Variants in SLAIN1 observed in about 807,000 individuals in gnomAD.
SLAIN1 encodes SLAIN family member 1.
Under a neutral mutation model 55.4 loss-of-function variants are expected in SLAIN1, and 17 were observed. The observed-to-expected ratio is 0.31, with a 90% CI of 0.21 to 0.46. The LOEUF (loss-of-function observed/expected upper bound fraction) is 0.46, where lower values mean the gene tolerates loss of function less well. SLAIN1 is among the 20% of genes least tolerant of loss of function. The pLI, the probability that SLAIN1 is intolerant of heterozygous loss-of-function variation, is 1.00. For synonymous variants in SLAIN1, 348 were observed against 337.4 expected, an observed-to-expected ratio of 1.03 and a Z score of -0.35; for missense variants, 682 against 785.1, an observed-to-expected ratio of 0.87 and a Z score of 1.57.
chr13:77,711,344 G>T (rs1010844035), intron 1 of SLAIN1, among the ~76,000 whole-genome samples: 4 of 151,990 alleles, frequency 2.6e-5, no homozygotes, highest in Admixed American at 1.3e-4. Context: ...TATTAAAGAA[G>T]AAAAGAGAGA....
intron 2 of SLAIN1, among the ~76,000 whole-genome samples, chr13:77,729,388 T>C (rs2091336351): frequency 6.6e-6 from 1 of 152,182 alleles, no homozygotes; most frequent in South Asian, 2.1e-4. Flanking sequence ...TGCTATTTTG[T>C]TACCTATCTC....
Position 77,698,583 on chromosome 13 carries a change from G to T in SLAIN1, c.626+44G>T. ...CCTTCCCCGAGACCCTGGCCTCGGG[G>T]GCTTCGGGCACCGGGGAGCGGGGGC... is the stretch of plus-strand genomic sequence containing the variant. On this transcript the variant is annotated intron_variant, in intron 1 of 6. Coordinates refer to ENST00000418532, the MANE Select transcript of SLAIN1 (RefSeq NM_001242868.2). The surrounding 1 kb of genome is among the most constrained non-coding windows in gnomAD (Gnocchi z 4.1). 1 of 1,363,462 alleles carries T rather than the reference G, an allele frequency of 7.3e-7. No homozygotes were observed. 84.5% of individuals were successfully genotyped at this position (1,363,462 alleles called of 1,614,324 possible). A position where few individuals can be genotyped will look rare whatever the true frequency, so the allele number is the denominator to read the frequency against.
Position 77,760,850 on chromosome 13 carries a change from A to G in SLAIN1, c.1437A>G (p.Gln479=). ...TAGTTCCATCACCGGGACAGCTTCAACACAGGGTCCACAGCGTGGGGCATT... is the reference window on the plus strand; with the variant it reads ...TAGTTCCATCACCGGGACAGCTTCAGCACAGGGTCCACAGCGTGGGGCATT... ...QSCIPSPGQL[Q]HRVHSVGHFP... is the part of the protein sequence containing the mutation. Residue 479 remains glutamine (Q), a synonymous_variant, in exon 6 of 7, where the codon CAA becomes CAG. Coordinates refer to ENST00000418532, the MANE Select transcript of SLAIN1 (RefSeq NM_001242868.2). 3 of 1,613,900 alleles carry G rather than the reference A, an allele frequency of 1.9e-6. No homozygotes were observed. The highest frequency in any genetic ancestry group is 2.5e-6 in the Non-Finnish European group (3 of 1,179,982).
rs1312919547 is a variant in SLAIN1 at position 77,761,002 on chromosome 13, A to G, written c.1589A>G (p.Asn530Ser). ...TCCAACACAGGAATCCCCACACCGA[A>G]CAAAGCTGCAGCTTCTGGGATAATG... is the stretch of plus-strand genomic sequence containing the variant. ...LYSNTGIPTP[N>S]KAAASGIMGR... Residue 530 changes from asparagine (N) to serine (S), a missense_variant, in exon 6 of 7, where the codon AAC becomes AGC. Transcript: ENST00000418532. 1 of 1,614,062 alleles carries G rather than the reference A, an allele frequency of 6.2e-7. No homozygotes were observed. The highest frequency in any genetic ancestry group is 8.5e-7 in the Non-Finnish European group (1 of 1,180,032).
chr13:77,723,302 C>G (rs1204676072), intron 2 of SLAIN1, among the ~76,000 whole-genome samples: 1 of 152,138 alleles, frequency 6.6e-6, no homozygotes, highest in Non-Finnish European at 1.5e-5. Context: ...GTGGGACTTT[C>G]TTTTGCTTAT....
At position 77,760,879 on chromosome 13, in the gene SLAIN1, C is replaced by T. The variant is rs147330137; in HGVS notation, c.1466C>T (p.Pro489Leu). The T allele has an allele frequency of 2.5e-6, 4 of 1,614,010 alleles. No homozygotes were observed. In the African/African-American group the frequency reaches 5.3e-5, roughly 22 times the overall value. ...AGGGTCCACAGCGTGGGGCATTTCC[C>T]AGTGTCTATCCGACAGCCTCTTAAA... ...QHRVHSVGHFPVSIRQPLKAT... is the reference protein window; with the variant it reads ...QHRVHSVGHFLVSIRQPLKAT... The change falls in exon 6 of 7, where the codon CCA becomes CTA. Residue 489 changes from proline (P) to leucine (L), a missense_variant. Physicochemically the swap from Pro to Leu is moderately conservative, Grantham distance 98 (BLOSUM62 -3). Transcript: ENST00000418532.
In SLAIN1 at chr13:77,698,641, G is replaced by T; in HGVS notation, c.626+102G>T. The T allele has an allele frequency of 1.5e-6, 2 of 1,306,902 alleles. No homozygotes were observed. The highest frequency in any genetic ancestry group is 1.9e-6 in the Non-Finnish European group (2 of 1,030,484). The allele number at this position is 1,306,902 out of a possible 1,614,324, so 81.0% of individuals were successfully genotyped here. ...GGACGGGGGTCCCCTCGCGGCAGCC[G>T]GGGTGACTCCCCGCGGCTCCCGGAG... On this transcript the variant is annotated intron_variant, in intron 1 of 6. Transcript: ENST00000418532. This position sits in a 1 kb window ranked among gnomAD's most constrained non-coding sequence, Gnocchi z 4.1.
intron 2 of SLAIN1, 158 bp from the exon 3 acceptor site, chr13:77,744,125 C>T (rs1029227844): frequency 5.1e-5 from 34 of 665,252 alleles, no homozygotes; most frequent in Non-Finnish European, 3.9e-5. Flanking sequence ...GAATTGTGTA[C>T]ACATGATGTG....
At chr13:77,754,329 A>G (rs991935774) in intron 5 of SLAIN1, among the ~76,000 whole-genome samples, 1 of 152,204 alleles carries the variant, frequency 6.6e-6, no homozygotes, top group Non-Finnish European at 1.5e-5. Context: ...TTTACTCTGT[A>G]CAAGGAACTG....
At chr13:77,762,888 A>G (rs1875151352) in intron 6 of SLAIN1, among the ~76,000 whole-genome samples, 1 of 152,272 alleles carries the variant, frequency 6.6e-6, no homozygotes, top group African/African-American at 2.4e-5. Context: ...CATTAAGGGT[A>G]TTGGCCCCTT....
At chr13:77,711,587 C>A (rs2091151316) in intron 1 of SLAIN1, among the ~76,000 whole-genome samples, 1 of 152,116 alleles carries the variant, frequency 6.6e-6, no homozygotes, top group Non-Finnish European at 1.5e-5. Context: ...TAATTAATAA[C>A]CTATCAACCA....
At chr13:77,734,123 TATA>T (rs1303452158) in intron 2 of SLAIN1, among the ~76,000 whole-genome samples, 2 of 152,114 alleles carry the variant, frequency 1.3e-5, no homozygotes, top group Non-Finnish European at 2.9e-5. Flanking sequence ...TACGTAAAGA[TATA>T]ATATCACCTA....
intron 2 of SLAIN1, among the ~76,000 whole-genome samples, chr13:77,723,572 G>A (rs927043288): frequency 6.6e-6 from 1 of 152,154 alleles, no homozygotes; most frequent in African/African-American, 2.4e-5. Flanking sequence ...TTCCCACAGA[G>A]TTTAGAAGGC....
At chr13:77,730,156 T>C (rs2091343899) in intron 2 of SLAIN1, among the ~76,000 whole-genome samples, 1 of 152,168 alleles carries the variant, frequency 6.6e-6, no homozygotes. Context: ...TAAATGAAAC[T>C]AGAAACTAGA....
intron 2 of SLAIN1, among the ~76,000 whole-genome samples, chr13:77,728,115 T>C (rs1185955061): frequency 6.6e-6 from 1 of 152,200 alleles, no homozygotes; most frequent in Admixed American, 6.5e-5. Context: ...TTTTATTTTA[T>C]TTTTTATTAG....
At chr13:77,730,676 C>CATT (rs1283869879) in intron 2 of SLAIN1, among the ~76,000 whole-genome samples, 1 of 151,944 alleles carries the variant, frequency 6.6e-6, no homozygotes, top group African/African-American at 2.4e-5. Context: ...TTTCTACTGT[C>CATT]ATAGTTGTAA....
Position 77,744,344 on chromosome 13 carries a change from T to G in SLAIN1, c.828T>G (p.Thr276=), listed in dbSNP as rs1873669190. ...PQSSIDSELS[T]SELEDDSISM... ...CATCTATCGACAGTGAGCTGAGTAC[T>G]TCAGAATTGGAGGATGATTCTATCT... The change falls in exon 3 of 7, where the codon ACT becomes ACG. Residue 276 remains threonine, a synonymous_variant. Coordinates refer to ENST00000418532, the MANE Select transcript of SLAIN1 (RefSeq NM_001242868.2). 6.2e-7 allele frequency: 1 copy of G among 1,612,938 alleles called. No individual in the cohort carries two copies. Among genetic ancestry groups the G allele is most frequent in the South Asian group, 1.1e-5 (1 of 91,068 alleles).
At chr13:77,750,292 T>C (rs1427564245) in intron 4 of SLAIN1, among the ~76,000 whole-genome samples, 1 of 152,186 alleles carries the variant, frequency 6.6e-6, no homozygotes, top group Non-Finnish European at 1.5e-5. Context: ...AAAACTATTA[T>C]AGTAAATAGT....
chr13:77,752,307 A>C (rs868191988), intron 4 of SLAIN1, among the ~76,000 whole-genome samples: 2 of 99,358 alleles, frequency 2.0e-5, no homozygotes, highest in Non-Finnish European at 4.3e-5. Context: ...TTTTTTTTTT[A>C]AGAAGCATGT....
Sources: gnomAD v4.1 joint callset for allele counts (sites outside exome capture counted in the v4.1 genomes callset) on GRCh38, gnomAD v4.1.1 for gene constraint, Gnocchi (gnomAD v3.1) non-coding constraint, MANE v1.5 for transcripts, NCBI Gene and HGNC (gene_info 2026-07-23, HGNC 2026-07-21) for gene names.